Variants in PTPRT observed in about 807,000 individuals in gnomAD.
PTPRT encodes the protein receptor-type tyrosine-protein phosphatase T.
Under a neutral mutation model 176.8 loss-of-function variants are expected in PTPRT, and 56 were observed. That is an observed-to-expected ratio of 0.32 (90% CI 0.26 to 0.40). The LOEUF (loss-of-function observed/expected upper bound fraction) is 0.40, where lower values mean the gene tolerates loss of function less well. Ranked by LOEUF, PTPRT falls within the 10% of genes least tolerant of loss-of-function variation. PTPRT has a pLI of 1.00. For synonymous variants in PTPRT, 783 were observed against 739.0 expected, an observed-to-expected ratio of 1.06 and a Z score of -0.96; for missense variants, 1,540 against 1,908.2, an observed-to-expected ratio of 0.81 and a Z score of 3.60.
At chr20:42,669,793 C>T (rs12481162) in intron 7 of PTPRT, among the ~76,000 whole-genome samples, 10,860 of 152,122 alleles carry the variant, frequency 0.071, 507 homozygotes, top group Admixed American at 0.11. Context: ...AACACAGAGA[C>T]CACCTGAGGC....
intron 9 of PTPRT, among the ~76,000 whole-genome samples, chr20:42,407,024 A>T (rs1440861944): frequency 2.6e-5 from 4 of 152,186 alleles, no homozygotes; most frequent in African/African-American, 7.2e-5. Context: ...GATCCTACCC[A>T]GCTCAGGGGT....
chr20:42,574,085 G>A (rs966191108), intron 7 of PTPRT, among the ~76,000 whole-genome samples: 2 of 152,140 alleles, frequency 1.3e-5, no homozygotes, highest in African/African-American at 4.8e-5. Context: ...AGGGCAGTTT[G>A]GGCTCCCAAG....
Position 42,634,039 on chromosome 20 carries a change from TATTATATATATATTATAA to T in PTPRT, c.1153+43809_1153+43826del, listed in dbSNP as rs1208683661. ...ATATATATAATATATATATTATATATATTATATATATATTATAAATATATAATATATATATAATATATA... is the reference window on the plus strand; with the variant it reads ...ATATATATAATATATATATTATATATATATATAATATATATATAATATATA... On this transcript the variant is annotated intron_variant, in intron 7 of 30. Coordinates refer to ENST00000373187, the MANE Select transcript of PTPRT (RefSeq NM_007050.6). 3.6e-3 allele frequency among the ~76,000 whole-genome samples: 108 copies of T among 29,850 alleles called. 3 individuals carry two copies. The highest frequency in any genetic ancestry group is 0.018 in the African/African-American group (104 of 5,648). 19.6% of individuals were successfully genotyped at this position (29,850 alleles called of 152,430 possible).
chr20:42,878,284 C>T (rs2078966539), intron 2 of PTPRT, among the ~76,000 whole-genome samples: 1 of 152,120 alleles, frequency 6.6e-6, no homozygotes. Context: ...TTTTATGGAA[C>T]ATTTAATGAC....
intron 1 of PTPRT, among the ~76,000 whole-genome samples, chr20:43,178,671 T>G (rs1668982974): frequency 6.6e-6 from 1 of 152,164 alleles, no homozygotes; most frequent in Non-Finnish European, 1.5e-5. Context: ...GCCTGTTAAG[T>G]GCATTTGTGC....
chr20:42,040,961 G>C, the PTPRT span, among the ~76,000 whole-genome samples: 1 of 152,172 alleles, frequency 6.6e-6, no homozygotes, highest in Non-Finnish European at 1.5e-5. Context: ...AAGGTTTTCT[G>C]TCTGACACTA....
Position 42,074,842 on chromosome 20 carries a change from T to C in PTPRT, c.*6037A>G, listed in dbSNP as rs892570470. ...GCTTGATCTCTACAAGACATCTCTA[T>C]AGTCAGTGCCATGCAAAAGCCCATC... On this transcript the variant is annotated 3_prime_UTR_variant, in exon 31 of 31. Transcript: ENST00000373187. 5.0e-6 allele frequency: 2 copies of C among 398,532 alleles called. No individual in the cohort carries two copies. Among genetic ancestry groups the C allele is most frequent in the African/African-American group, 4.1e-5 (2 of 48,632 alleles). The allele number at this position is 398,532 out of a possible 1,614,324, so 24.7% of individuals were successfully genotyped here. A position where few individuals can be genotyped will look rare whatever the true frequency, so the allele number is the denominator to read the frequency against.
At chr20:42,172,350 A>G (rs906893293) in intron 16 of PTPRT, among the ~76,000 whole-genome samples, 3 of 152,194 alleles carry the variant, frequency 2.0e-5, no homozygotes, top group Non-Finnish European at 4.4e-5. Flanking sequence ...ATGATTAAGG[A>G]AAAAAGACAC....
intron 15 of PTPRT, among the ~76,000 whole-genome samples, chr20:42,204,215 G>A (rs1400087450): frequency 1.3e-5 from 2 of 151,994 alleles, no homozygotes; most frequent in African/African-American, 4.8e-5. Flanking sequence ...TGGAATGTTT[G>A]CAGAATTAAC....
intron 2 of PTPRT, among the ~76,000 whole-genome samples, chr20:42,810,447 T>C (rs2077683260): frequency 6.6e-6 from 1 of 152,212 alleles, no homozygotes; most frequent in South Asian, 2.1e-4. Context: ...CTATTGAATC[T>C]GAATCAGCTC....
chr20:42,920,817 G>A (rs920538892), intron 1 of PTPRT, among the ~76,000 whole-genome samples: 2 of 152,070 alleles, frequency 1.3e-5, no homozygotes, highest in Non-Finnish European at 2.9e-5. Flanking sequence ...CAGAGAACTG[G>A]GTAACAAGTA....
intron 15 of PTPRT, among the ~76,000 whole-genome samples, chr20:42,223,832 C>A (rs1477303237): frequency 2.0e-5 from 3 of 152,180 alleles, no homozygotes. Flanking sequence ...TAGCTTTTCT[C>A]CACTTCTGAA....
At chr20:42,684,436 T>C (rs930540390) in intron 6 of PTPRT, among the ~76,000 whole-genome samples, 5 of 151,364 alleles carry the variant, frequency 3.3e-5, no homozygotes, top group Non-Finnish European at 5.9e-5. Flanking sequence ...GTAGAAAAAA[T>C]ATTTGATAAG....
chr20:42,606,853 T>C (rs2073886386), intron 7 of PTPRT: 1 of 152,216 alleles, frequency 6.6e-6, no homozygotes, highest in South Asian at 2.1e-4. Context: ...GGGCCACTCA[T>C]CCTGAACTAC....
the PTPRT span, among the ~76,000 whole-genome samples, chr20:42,035,263 A>G: frequency 6.6e-6 from 1 of 152,124 alleles, no homozygotes; most frequent in African/African-American, 2.4e-5. Flanking sequence ...AATTTGCATG[A>G]CAGCCAAGAG....
intron 13 of PTPRT, among the ~76,000 whole-genome samples, chr20:42,280,912 A>G (rs2147050386): frequency 6.6e-6 from 1 of 152,132 alleles, no homozygotes; most frequent in Non-Finnish European, 1.5e-5. Context: ...CCTCTAATAG[A>G]GCTTACATCC....
At chr20:42,492,125 T>C (rs929241153) in intron 7 of PTPRT, among the ~76,000 whole-genome samples, 1 of 152,186 alleles carries the variant, frequency 6.6e-6, no homozygotes, top group African/African-American at 2.4e-5. Context: ...TTTGGGGTGA[T>C]TGTGAGTAAA....
intron 6 of PTPRT, among the ~76,000 whole-genome samples, chr20:42,682,995 T>TA (rs2075628939): frequency 6.6e-6 from 1 of 152,198 alleles, no homozygotes; most frequent in South Asian, 2.1e-4. Flanking sequence ...AACCAAACGT[T>TA]ACTAAGACGT....
Position 42,365,659 on chromosome 20 carries a change from C to CA in PTPRT, c.1561-13375dup, listed in dbSNP as rs1001658253. Among the ~76,000 whole-genome samples, 740 of 146,118 alleles carry CA rather than the reference C, an allele frequency of 5.1e-3. 4 individuals carry two copies. The highest frequency in any genetic ancestry group is 0.017 in the African/African-American group (669 of 39,764). On this transcript the variant is annotated intron_variant, in intron 9 of 30. Transcript: ENST00000373187. ...CTCACACTGACGATAGCTGATGAGA[C>CA]AAAAAAAAAATTAAAATCATGAAAA... is the stretch of plus-strand genomic sequence containing the variant.
Sources: allele counts gnomAD v4.1 joint callset (sites outside exome capture counted in the v4.1 genomes callset), GRCh38; gene constraint gnomAD v4.1.1; transcripts MANE v1.5; gene names NCBI Gene and HGNC (gene_info 2026-07-23, HGNC 2026-07-21).